The following TEAD1 variants were observed in gnomAD, a reference collection of about 807,000 sequenced individuals.
The protein encoded by TEAD1 is TEA domain transcription factor 1, also known as transcriptional enhancer factor TEF-1.
TEAD1 carries 9 observed loss-of-function variants against 54.9 expected under a neutral mutation model. That is an observed-to-expected ratio of 0.16 (90% CI 0.10 to 0.29). The LOEUF is 0.29. Ranked by LOEUF, TEAD1 falls within the 10% of genes least tolerant of loss-of-function variation. The pLI, the probability that TEAD1 is intolerant of heterozygous loss-of-function variation, is 1.00. For synonymous variants in TEAD1, 200 were observed against 187.8 expected, an observed-to-expected ratio of 1.07 and a Z score of -0.53; for missense variants, 387 against 535.9, an observed-to-expected ratio of 0.72 and a Z score of 2.74.
chr11:12,834,391 A>T (rs1946842344), intron 3 of TEAD1, among the ~76,000 whole-genome samples: 1 of 152,220 alleles, frequency 6.6e-6, no homozygotes, highest in Non-Finnish European at 1.5e-5. Flanking sequence ...AATCTGACAG[A>T]CCTGGGCTGA....
intron 2 of TEAD1, among the ~76,000 whole-genome samples, chr11:12,694,404 CT>C (rs545388326): frequency 1.4e-3 from 206 of 144,870 alleles, no homozygotes; most frequent in Middle Eastern, 7.2e-3. Context: ...ACAGGGTCCT[CT>C]TTTTTTTTTT....
chr11:12,704,398 C>G (rs890387111), intron 2 of TEAD1, among the ~76,000 whole-genome samples: 1 of 152,228 alleles, frequency 6.6e-6, no homozygotes, highest in African/African-American at 2.4e-5. Flanking sequence ...CAACCATGTT[C>G]TTCTGTCTCA....
At chr11:12,907,759 A>C (rs969293985) in intron 10 of TEAD1, among the ~76,000 whole-genome samples, 3 of 152,204 alleles carry the variant, frequency 2.0e-5, no homozygotes, top group Non-Finnish European at 4.4e-5. Context: ...GAAGAAATCA[A>C]ACCATACAAA....
At chr11:12,812,363 T>C (rs1946320437) in intron 3 of TEAD1, among the ~76,000 whole-genome samples, 2 of 152,132 alleles carry the variant, frequency 1.3e-5, no homozygotes, top group South Asian at 4.2e-4. Context: ...GTATTATCAT[T>C]ATTAGAATCC....
intron 11 of TEAD1, among the ~76,000 whole-genome samples, chr11:12,926,086 C>A (rs557006815): frequency 6.6e-6 from 1 of 152,278 alleles, no homozygotes; most frequent in East Asian, 1.9e-4. Flanking sequence ...CTATCCATCA[C>A]CCAATTAATT....
chr11:12,938,732 A>G lies in TEAD1; in HGVS notation c.*1510A>G, dbSNP rs1480990817. On this transcript the variant is annotated 3_prime_UTR_variant, in exon 13 of 13. Coordinates refer to ENST00000527636, the MANE Select transcript of TEAD1 (RefSeq NM_021961.6). The stretch of plus-strand genomic sequence containing the variant: ...GTATTCCAGAGCATTGCCCAGGCAG[A>G]GTTGGTTTGATGTGGCCAGATGTTT... The G allele has an allele frequency of 6.6e-6, 1 of 152,246 alleles. No homozygotes were observed. The highest frequency in any genetic ancestry group is 1.5e-5 in the Non-Finnish European group (1 of 68,062). The allele number at this position is 152,246 out of a possible 1,614,324, so 9.4% of individuals were successfully genotyped here.
At chr11:12,935,008 G>GT (rs1327289888) in intron 12 of TEAD1, among the ~76,000 whole-genome samples, 1 of 152,126 alleles carries the variant, frequency 6.6e-6, no homozygotes, top group Non-Finnish European at 1.5e-5. Flanking sequence ...AAGAATAGGG[G>GT]TATCCCATGG....
intron 10 of TEAD1, among the ~76,000 whole-genome samples, chr11:12,923,200 C>A (rs1320025383): frequency 6.6e-6 from 1 of 152,082 alleles, no homozygotes; most frequent in African/African-American, 2.4e-5. Context: ...CTCACTGTGT[C>A]CTTTGGTCTC....
At chr11:12,677,116 G>A (rs1943111351) in intron 2 of TEAD1, among the ~76,000 whole-genome samples, 1 of 152,076 alleles carries the variant, frequency 6.6e-6, no homozygotes, top group Admixed American at 6.5e-5. Flanking sequence ...AATGAACTGC[G>A]GGGAACATGC....
intron 2 of TEAD1, among the ~76,000 whole-genome samples, chr11:12,742,432 G>A (rs1281070384): frequency 6.6e-6 from 1 of 152,140 alleles, no homozygotes; most frequent in Non-Finnish European, 1.5e-5. Context: ...CAGAGGTTTT[G>A]GGGGTGAGAG....
Position 12,942,994 on chromosome 11 carries a change from G to A in TEAD1, c.*5772G>A, listed in dbSNP as rs1949174919. 6.6e-6 allele frequency: 1 copy of A among 152,024 alleles called. No homozygotes were observed. Among genetic ancestry groups the A allele is most frequent in the African/African-American group, 2.4e-5 (1 of 41,388 alleles). 9.4% of individuals were successfully genotyped at this position (152,024 alleles called of 1,614,324 possible). On this transcript the variant is annotated 3_prime_UTR_variant, in exon 13 of 13. Coordinates refer to ENST00000527636, the MANE Select transcript of TEAD1 (RefSeq NM_021961.6). Reference sequence around the variant, plus strand: ...CCAAACACCAGCCAAAAAGAAACTAGGAAAAAAAGATTTTCTTTGCTAATA... The same window carrying A: ...CCAAACACCAGCCAAAAAGAAACTAAGAAAAAAAGATTTTCTTTGCTAATA...
chr11:12,846,537 G>GAA (rs1178700136), intron 3 of TEAD1, among the ~76,000 whole-genome samples: 3 of 152,114 alleles, frequency 2.0e-5, no homozygotes, highest in African/African-American at 7.2e-5. Flanking sequence ...TCTGTGTGGT[G>GAA]AATGAGCTTG....
intron 2 of TEAD1, among the ~76,000 whole-genome samples, chr11:12,746,607 C>T (rs1241308227): frequency 1.3e-5 from 2 of 152,184 alleles, no homozygotes; most frequent in African/African-American, 4.8e-5. Context: ...TCTTAAAAAC[C>T]AAGTCCTCTT....
intron 2 of TEAD1, among the ~76,000 whole-genome samples, chr11:12,680,356 CCTT>C (rs1234653759): frequency 2.6e-5 from 4 of 152,236 alleles, no homozygotes; most frequent in African/African-American, 9.6e-5. Flanking sequence ...CAGCCTGACT[CCTT>C]CTGCTGAGAT....
At chr11:12,850,161 T>C (rs1477800952) in intron 3 of TEAD1, among the ~76,000 whole-genome samples, 1 of 152,148 alleles carries the variant, frequency 6.6e-6, no homozygotes, top group Non-Finnish European at 1.5e-5. Flanking sequence ...CTGGGCCAGG[T>C]GTGGTGACAC....
At position 12,902,182 on chromosome 11, in the gene TEAD1, T is replaced by G. The variant is rs966043267; in HGVS notation, c.873+69T>G. 1.9e-6 allele frequency: 3 copies of G among 1,594,328 alleles called. No homozygotes were observed. The South Asian group carries it at 3.3e-5, about 18-fold the overall frequency. On this transcript the variant is annotated intron_variant, in intron 10 of 12. Coordinates refer to ENST00000527636, the MANE Select transcript of TEAD1 (RefSeq NM_021961.6). ...GGTCACATCTCTTACATGAGCACAG[T>G]GCAGCACAGCTGGCTTTGGATTTAC...
chr11:12,944,710 AAAAT>A lies in TEAD1; in HGVS notation c.*7492_*7495del, dbSNP rs571035229. On this transcript the variant is annotated 3_prime_UTR_variant, in exon 13 of 13. Transcript: ENST00000527636. ...CTTTGTATTCATACGGTATCAATGA[AAAAT>A]AAAGAAAATGAAAGTGTGGGTCACC... Among the ~76,000 whole-genome samples the A allele has an allele frequency of 3.9e-5, 6 of 152,206 alleles. No homozygotes were observed. Among genetic ancestry groups the A allele is most frequent in the African/African-American group, 7.2e-5 (3 of 41,456 alleles).
At chr11:12,925,151 G>A in intron 11 of TEAD1, 99 bp downstream of exon 11, 1 of 1,368,538 alleles carries the variant, frequency 7.3e-7, no homozygotes. Context: ...TTGGATGTCT[G>A]CTTCTTACCT....
chr11:12,775,024 CA>C (rs201947190), intron 3 of TEAD1, among the ~76,000 whole-genome samples: 58 of 150,538 alleles, frequency 3.9e-4, no homozygotes, highest in African/African-American at 1.3e-3. Context: ...ACTTAAAAGT[CA>C]AAAAAAAGGA....
Sources: gnomAD v4.1 joint callset for allele counts (sites outside exome capture counted in the v4.1 genomes callset) on GRCh38, gnomAD v4.1.1 for gene constraint, MANE v1.5 for transcripts, NCBI Gene and HGNC (gene_info 2026-07-23, HGNC 2026-07-21) for gene names.